The following NR3C1 variants were observed in gnomAD, a reference collection of about 807,000 sequenced individuals.
The protein encoded by NR3C1 is nuclear receptor subfamily 3 group C member 1, also known as glucocorticoid receptor.
In NR3C1, 14 loss-of-function variants were observed where a neutral mutation model predicts 74.0. That is an observed-to-expected ratio of 0.19 (90% CI 0.12 to 0.30). NR3C1 has a LOEUF of 0.30. NR3C1 is among the 10% of genes least tolerant of loss of function. NR3C1 has a pLI of 1.00. For missense variants in NR3C1, 695 were observed against 909.8 expected, an observed-to-expected ratio of 0.76 and a Z score of 3.04; for synonymous variants, 308 against 332.5, an observed-to-expected ratio of 0.93 and a Z score of 0.80.
At chr5:143,349,998 C>T (rs1445660968) in intron 2 of NR3C1, among the ~76,000 whole-genome samples, 1 of 151,864 alleles carries the variant, frequency 6.6e-6, no homozygotes, top group Non-Finnish European at 1.5e-5. Context: ...GAAGGTTAGA[C>T]GTGAGGTGAA....
intron 2 of NR3C1, among the ~76,000 whole-genome samples, chr5:143,334,372 C>G (rs1459217045): frequency 1.3e-5 from 2 of 152,056 alleles, no homozygotes; most frequent in Non-Finnish European, 2.9e-5. Context: ...ACAAGCGAAA[C>G]TCTGTCTCAA....
chr5:143,427,959 A>G (rs1459350122), intron 1 of NR3C1, among the ~76,000 whole-genome samples: 5 of 152,240 alleles, frequency 3.3e-5, no homozygotes, highest in Non-Finnish European at 7.3e-5. Flanking sequence ...GCTAACCATT[A>G]TGGTCATTGT....
intron 2 of NR3C1, among the ~76,000 whole-genome samples, chr5:143,343,591 C>T (rs1561621348): frequency 1.3e-5 from 2 of 152,202 alleles, no homozygotes; most frequent in Non-Finnish European, 2.9e-5. Flanking sequence ...TTAGTGGAGT[C>T]AGAGTTCTCT....
At chr5:143,378,343 CA>C (rs1835590934) in intron 2 of NR3C1, among the ~76,000 whole-genome samples, 1 of 151,852 alleles carries the variant, frequency 6.6e-6, no homozygotes, top group East Asian at 1.9e-4. Context: ...AACTTAAAAA[CA>C]AAAAAAACTA....
chr5:143,312,823 C>T (rs530441851), intron 3 of NR3C1, among the ~76,000 whole-genome samples: 7 of 152,222 alleles, frequency 4.6e-5, no homozygotes, highest in East Asian at 1.9e-4. Context: ...GACACGAAGA[C>T]GCTTCTGTCT....
chr5:143,431,217 C>T (rs1310541323), intron 1 of NR3C1, among the ~76,000 whole-genome samples: 1 of 152,022 alleles, frequency 6.6e-6, no homozygotes, highest in Non-Finnish European at 1.5e-5. Flanking sequence ...CACACCCTTC[C>T]CCAGTGCATT....
At chr5:143,402,689 C>T (rs1191442336) in intron 1 of NR3C1, 1 of 985,434 alleles carries the variant, frequency 1.0e-6, no homozygotes, top group Non-Finnish European at 1.2e-6. Context: ...GTCAGCCCCC[C>T]GCGTGTGCAC....
intron 2 of NR3C1, among the ~76,000 whole-genome samples, chr5:143,370,857 G>A (rs894747759): frequency 6.6e-6 from 1 of 152,178 alleles, no homozygotes; most frequent in African/African-American, 2.4e-5. Context: ...AAGATATCAG[G>A]AACCTATAAG....
Position 143,432,973 on chromosome 5 carries a change from A to G in NR3C1, c.-14+1559T>C, listed in dbSNP as rs537819219. Among the ~76,000 whole-genome samples the G allele has an allele frequency of 5.9e-5, 9 of 152,312 alleles. No homozygotes were observed. The South Asian group carries it at 1.9e-3, about 32-fold the overall frequency. ...ATGGCAGAAAAGTGATCTGATATAT[A>G]ACGTCACCTAAAAGGACAAATGACT... On this transcript the variant is annotated intron_variant, in intron 1 of 8. Coordinates refer to the NR3C1 transcript ENST00000343796.
rs1164382201 is a variant in NR3C1 at position 143,332,962 on chromosome 5, G to A, written c.1185-18794C>T. ...TCTGTCCGAGAACTCATTTTGAAAC[G>A]TGGACAAGCCAAGGTCAAGAATAAG... On this transcript the variant is annotated intron_variant, in intron 2 of 8. Coordinates refer to ENST00000394464, the MANE Select transcript of NR3C1 (RefSeq NM_000176.3). 3.8e-6 allele frequency: 6 copies of A among 1,583,024 alleles called. No individual in the cohort carries two copies. The East Asian group carries it at 6.7e-5, about 18-fold the overall frequency.
chr5:143,370,015 A>T (rs1833967916), intron 2 of NR3C1, among the ~76,000 whole-genome samples: 2 of 152,170 alleles, frequency 1.3e-5, no homozygotes, highest in South Asian at 4.1e-4. Flanking sequence ...TTCTTTTTAA[A>T]TGAACCCAGC....
rs1001039844 is a variant in NR3C1 at position 143,278,114 on chromosome 5, G to GT, written c.*3774dup. ...GTTTTACAGTCTGACATTTCACTGC[G>GT]TAGGTAAAAAGACACTTTTTTTTTA... is the stretch of plus-strand genomic sequence containing the variant. On this transcript the variant is annotated 3_prime_UTR_variant, in exon 9 of 9. Transcript: ENST00000394464. 6.6e-6 allele frequency: 1 copy of GT among 152,194 alleles called. No individual in the cohort carries two copies. The highest frequency in any genetic ancestry group is 1.9e-4 in the East Asian group (1 of 5,188). The allele number at this position is 152,194 out of a possible 1,614,324, so 9.4% of individuals were successfully genotyped here.
intron 2 of NR3C1, among the ~76,000 whole-genome samples, chr5:143,326,807 C>CCA (rs1824705998): frequency 6.6e-6 from 1 of 152,028 alleles, no homozygotes; most frequent in Non-Finnish European, 1.5e-5. Context: ...AGATGTCTTG[C>CCA]CACACTACCA....
At position 143,300,858 on chromosome 5, in the gene NR3C1, A is replaced by G; in HGVS notation, c.1469-95T>C. ...AGAAGTATTTTTACTTTCTAAAACT[A>G]TTAAGATGGGAGAAATATTTTATTT... On this transcript the variant is annotated intron_variant, in intron 4 of 8. Coordinates refer to ENST00000394464, the MANE Select transcript of NR3C1 (RefSeq NM_000176.3). The surrounding 1 kb of genome is among the most constrained non-coding windows in gnomAD (Gnocchi z 5.2). 8.5e-7 allele frequency: 1 copy of G among 1,177,368 alleles called. No individual in the cohort carries two copies. 72.9% of individuals were successfully genotyped at this position (1,177,368 alleles called of 1,614,324 possible).
intron 2 of NR3C1, among the ~76,000 whole-genome samples, chr5:143,347,509 T>C (rs1422769776): frequency 3.9e-5 from 6 of 152,216 alleles, no homozygotes; most frequent in Non-Finnish European, 8.8e-5. Flanking sequence ...GTACATGTTA[T>C]TTCTAATGTC....
intron 2 of NR3C1, among the ~76,000 whole-genome samples, chr5:143,327,074 ACT>A (rs1599969933): frequency 6.6e-6 from 1 of 152,308 alleles, no homozygotes; most frequent in East Asian, 1.9e-4. Flanking sequence ...CCATTCTGAC[ACT>A]GCTATAAAGA....
chr5:143,279,699 G>C lies in NR3C1; in HGVS notation c.*2190C>G. ...ATTTGGAAATAAACTCTTGTTGTAG[G>C]ATAGAAAGGAATTAGTGTATTATTG... On this transcript the variant is annotated 3_prime_UTR_variant, in exon 9 of 9. Coordinates refer to ENST00000394464, the MANE Select transcript of NR3C1 (RefSeq NM_000176.3). 1 of 301,878 alleles carries C rather than the reference G, an allele frequency of 3.3e-6. No individual in the cohort carries two copies. The highest frequency in any genetic ancestry group is 6.0e-6 in the Non-Finnish European group (1 of 166,520). The allele number at this position is 301,878 out of a possible 1,614,324, so 18.7% of individuals were successfully genotyped here. A position where few individuals can be genotyped will look rare whatever the true frequency, so the allele number is the denominator to read the frequency against.
chr5:143,358,521 C>T (rs564354198), intron 2 of NR3C1, among the ~76,000 whole-genome samples: 22 of 152,300 alleles, frequency 1.4e-4, no homozygotes, highest in Non-Finnish European at 2.9e-4. Context: ...ATAAGAGCCT[C>T]CTCTTTGCCT....
intron 1 of NR3C1, among the ~76,000 whole-genome samples, chr5:143,431,175 T>C (rs1751800183): frequency 6.6e-6 from 1 of 152,138 alleles, no homozygotes; most frequent in Non-Finnish European, 1.5e-5. Context: ...GTAAGAAATG[T>C]GGCTCAGGAG....
Sources: gnomAD v4.1 joint callset for allele counts (sites outside exome capture counted in the v4.1 genomes callset) on GRCh38, gnomAD v4.1.1 for gene constraint, Gnocchi (gnomAD v3.1) non-coding constraint, MANE v1.5 for transcripts, NCBI Gene and HGNC (gene_info 2026-07-23, HGNC 2026-07-21) for gene names.